SGMS1: variants seen among roughly 807,000 people sequenced by gnomAD.
The protein encoded by SGMS1 is phosphatidylcholine:ceramide cholinephosphotransferase 1.
A neutral mutation model predicts 46.2 loss-of-function variants in SGMS1; 13 were observed. The observed-to-expected ratio is 0.28, with a 90% CI of 0.18 to 0.45. The LOEUF (loss-of-function observed/expected upper bound fraction) is 0.45. Ranked by LOEUF, SGMS1 falls within the 20% of genes least tolerant of loss-of-function variation. SGMS1 has a pLI of 1.00. For synonymous variants in SGMS1, 203 were observed against 187.8 expected, an observed-to-expected ratio of 1.08 and a Z score of -0.66; for missense variants, 324 against 519.9, an observed-to-expected ratio of 0.62 and a Z score of 3.66.
chr10:50,614,227 T>TA (rs1838776470), intron 1 of SGMS1, among the ~76,000 whole-genome samples: 1 of 152,122 alleles, frequency 6.6e-6, no homozygotes, highest in Admixed American at 6.5e-5. Flanking sequence ...TGCTGACTTA[T>TA]ATTTCCAAGT....
At chr10:50,465,575 T>C (rs778132517) in intron 4 of SGMS1, among the ~76,000 whole-genome samples, 28 of 151,750 alleles carry the variant, frequency 1.8e-4, no homozygotes, top group Admixed American at 3.3e-4. Flanking sequence ...TAAGAAAACC[T>C]CTCAGAAAGT....
chr10:50,554,387 A>G (rs1838173228), intron 2 of SGMS1, among the ~76,000 whole-genome samples: 1 of 152,224 alleles, frequency 6.6e-6, no homozygotes, highest in African/African-American at 2.4e-5. Context: ...GCAAATGAAA[A>G]ATTTAAACGT....
intron 7 of SGMS1, among the ~76,000 whole-genome samples, chr10:50,327,725 T>C (rs957530605): frequency 8.5e-5 from 13 of 152,344 alleles, no homozygotes; most frequent in African/African-American, 2.9e-4. Context: ...ATCAGAATGA[T>C]ATTAGAATGA....
intron 6 of SGMS1, among the ~76,000 whole-genome samples, chr10:50,408,453 A>C (rs1345627903): frequency 4.7e-5 from 7 of 148,584 alleles, no homozygotes; most frequent in Non-Finnish European, 7.4e-5. Context: ...AAAAAAAAAA[A>C]AACAAAATAA....
At chr10:50,337,385 G>A (rs1847732998) in intron 7 of SGMS1, among the ~76,000 whole-genome samples, 3 of 152,108 alleles carry the variant, frequency 2.0e-5, no homozygotes, top group African/African-American at 7.2e-5. Flanking sequence ...AAAGTGAAAT[G>A]ACCTTAAGAA....
chr10:50,536,053 A>G (rs1042119315), intron 2 of SGMS1, among the ~76,000 whole-genome samples: 3 of 152,080 alleles, frequency 2.0e-5, no homozygotes, highest in Non-Finnish European at 4.4e-5. Context: ...CCTCATTTCC[A>G]GCTGGGCACA....
chr10:50,502,306 GAAAAAAA>G (rs71471395), intron 3 of SGMS1, among the ~76,000 whole-genome samples: 1 of 130,994 alleles, frequency 7.6e-6, no homozygotes, highest in Non-Finnish European at 1.6e-5. Context: ...AATGAGGAAA[GAAAAAAA>G]AAAAAAAAAA....
chr10:50,362,448 T>C (rs1433702102), intron 6 of SGMS1, among the ~76,000 whole-genome samples: 3 of 152,144 alleles, frequency 2.0e-5, no homozygotes. Context: ...AAAAACTGGA[T>C]CCATGAAACT....
intron 5 of SGMS1, among the ~76,000 whole-genome samples, chr10:50,457,405 T>G (rs1234699135): frequency 1.3e-5 from 2 of 152,188 alleles, no homozygotes; most frequent in Admixed American, 6.5e-5. Flanking sequence ...TAAGCAAATG[T>G]TTTTTACATT....
chr10:50,514,507 G>A (rs1588860378), intron 3 of SGMS1, among the ~76,000 whole-genome samples: 1 of 152,296 alleles, frequency 6.6e-6, no homozygotes. Context: ...AATTCAGGAT[G>A]TGCTCCCTAT....
chr10:50,547,001 C>A (rs1459444429), intron 2 of SGMS1, among the ~76,000 whole-genome samples: 7 of 152,034 alleles, frequency 4.6e-5, no homozygotes, highest in Admixed American at 2.0e-4. Context: ...TGTTTCCATC[C>A]CAAAATAGGT....
At chr10:50,415,737 C>G (rs755808351) in intron 6 of SGMS1, among the ~76,000 whole-genome samples, 2 of 152,172 alleles carry the variant, frequency 1.3e-5, no homozygotes, top group African/African-American at 4.8e-5. Context: ...TTTCTCACCT[C>G]CACATAACTA....
chr10:50,392,190 T>TAA (rs35016002), intron 6 of SGMS1, among the ~76,000 whole-genome samples: 2,383 of 147,252 alleles, frequency 0.016, 26 homozygotes, highest in Non-Finnish European at 0.021. Context: ...AAGTAAAAGT[T>TAA]AAAAAAAAAA....
chr10:50,566,685 T>G (rs1459022816), intron 2 of SGMS1, among the ~76,000 whole-genome samples: 1 of 152,142 alleles, frequency 6.6e-6, no homozygotes, highest in South Asian at 2.1e-4. Context: ...CAGCAACCAT[T>G]TTGTGAGCAT....
chr10:50,329,402 AC>A (rs1323749575), intron 7 of SGMS1, among the ~76,000 whole-genome samples: 1 of 152,178 alleles, frequency 6.6e-6, no homozygotes, highest in East Asian at 1.9e-4. Flanking sequence ...TCCATGTGAA[AC>A]TGTCAATGTT....
chr10:50,359,207 T>C (rs1164358411), intron 6 of SGMS1, among the ~76,000 whole-genome samples: 1 of 152,220 alleles, frequency 6.6e-6, no homozygotes, highest in Non-Finnish European at 1.5e-5. Context: ...TGGTAGACTT[T>C]AGGCTGTTAG....
intron 2 of SGMS1, among the ~76,000 whole-genome samples, chr10:50,521,987 C>G (rs1837861092): frequency 2.0e-5 from 3 of 152,110 alleles, no homozygotes; most frequent in African/African-American, 7.2e-5. Flanking sequence ...CAAAATTTCC[C>G]CCTAGATTTA....
chr10:50,614,441 A>T (rs1035433704), intron 1 of SGMS1, among the ~76,000 whole-genome samples: 6 of 152,342 alleles, frequency 3.9e-5, no homozygotes, highest in Admixed American at 6.5e-5. Context: ...CTGTAACTAG[A>T]AGTAGTAGCA....
intron 7 of SGMS1, among the ~76,000 whole-genome samples, chr10:50,338,524 A>G (rs1847754209): frequency 6.7e-6 from 1 of 149,440 alleles, no homozygotes; most frequent in Non-Finnish European, 1.5e-5. Context: ...CAAATTCCAT[A>G]TACAAATCAA....
Sources: allele counts gnomAD v4.1 joint callset (sites outside exome capture counted in the v4.1 genomes callset), GRCh38; gene constraint gnomAD v4.1.1; transcripts MANE v1.5; gene names NCBI Gene and HGNC (gene_info 2026-07-23, HGNC 2026-07-21).